SLC35A1: variants seen among roughly 807,000 people sequenced by gnomAD.
The protein encoded by SLC35A1 is solute carrier family 35 member A1.
Under a neutral mutation model 40.3 loss-of-function variants are expected in SLC35A1, and 21 were observed. That is an observed-to-expected ratio of 0.52 (90% confidence interval 0.37 to 0.75). SLC35A1 has a LOEUF of 0.75. SLC35A1 is among the 30% of genes least tolerant of loss of function. The probability of loss-of-function intolerance (pLI) is 0.00; values close to 1 mark genes in which losing one functional copy is unlikely to be tolerated. For missense variants in SLC35A1, 297 were observed against 382.1 expected (o/e 0.78, Z 1.86); for synonymous variants, 146 against 147.3 (o/e 0.99, Z 0.06).
chr6:87,492,930 G>A (rs1256270624), intron 2 of SLC35A1, among the ~76,000 whole-genome samples: 1 of 152,138 alleles, frequency 6.6e-6, no homozygotes, highest in Non-Finnish European at 1.5e-5. Context: ...TTATTAACAA[G>A]TGTCTTTTGG....
intron 4 of SLC35A1, among the ~76,000 whole-genome samples, chr6:87,502,781 T>C (rs1302836300): frequency 6.6e-6 from 1 of 152,180 alleles, no homozygotes; most frequent in Non-Finnish European, 1.5e-5. Context: ...AAATAGTTTG[T>C]CTCAAATGTA....
At chr6:87,474,659 A>G (rs1200346928) in intron 1 of SLC35A1, among the ~76,000 whole-genome samples, 1 of 152,230 alleles carries the variant, frequency 6.6e-6, no homozygotes, top group Admixed American at 6.5e-5. Context: ...GTGAACAAGA[A>G]ATAGTTTGGT....
chr6:87,485,639 T>C (rs2300903), intron 2 of SLC35A1, among the ~76,000 whole-genome samples: 18,515 of 151,958 alleles, frequency 0.12, 1,226 homozygotes, highest in African/African-American at 0.16. Context: ...GGTGTGTGGC[T>C]GTAGTCACAG....
At chr6:87,479,097 G>A (rs767557387) in intron 2 of SLC35A1, among the ~76,000 whole-genome samples, 6 of 152,194 alleles carry the variant, frequency 3.9e-5, no homozygotes, top group Non-Finnish European at 5.9e-5. Context: ...GTTGCTTTAC[G>A]AGGAAGTTAA....
intron 2 of SLC35A1, among the ~76,000 whole-genome samples, chr6:87,481,294 G>A (rs1769235189): frequency 6.6e-6 from 1 of 152,028 alleles, no homozygotes; most frequent in Non-Finnish European, 1.5e-5. Flanking sequence ...GCACATGCCT[G>A]TAATCCCAGC....
At chr6:87,484,464 G>C (rs971754649) in intron 2 of SLC35A1, among the ~76,000 whole-genome samples, 2 of 152,194 alleles carry the variant, frequency 1.3e-5, no homozygotes, top group Non-Finnish European at 2.9e-5. Flanking sequence ...GGAGGAAAAG[G>C]GGGTCTTATT....
chr6:87,500,446 A>G (rs1769883026), intron 2 of SLC35A1, 62 bp from the exon 3 acceptor site: 2 of 1,522,936 alleles, frequency 1.3e-6, no homozygotes, highest in Non-Finnish European at 1.8e-6. Flanking sequence ...AAGTCTTATT[A>G]AAATAATACT....
intron 7 of SLC35A1, among the ~76,000 whole-genome samples, chr6:87,509,588 G>C (rs1172822337): frequency 6.6e-6 from 1 of 152,148 alleles, no homozygotes; most frequent in Non-Finnish European, 1.5e-5. Context: ...GAAGAATGTA[G>C]AAAACATCTT....
At chr6:87,482,569 AAG>A (rs989642898) in intron 2 of SLC35A1, among the ~76,000 whole-genome samples, 37 of 152,282 alleles carry the variant, frequency 2.4e-4, no homozygotes, top group Non-Finnish European at 1.5e-4. Context: ...CTACTTCTAT[AAG>A]AGTTTCCCTA....
At chr6:87,493,334 G>GT (rs1449231239) in intron 2 of SLC35A1, among the ~76,000 whole-genome samples, 2 of 151,858 alleles carry the variant, frequency 1.3e-5, no homozygotes, top group African/African-American at 4.8e-5. Flanking sequence ...TTCCAGAATG[G>GT]TATTTGGAAA....
chr6:87,510,592 G>A (rs1272570118), intron 7 of SLC35A1, among the ~76,000 whole-genome samples: 1 of 152,048 alleles, frequency 6.6e-6, no homozygotes, highest in Non-Finnish European at 1.5e-5. Flanking sequence ...AGATTAAAAT[G>A]AAAAAAGGTG....
intron 2 of SLC35A1, among the ~76,000 whole-genome samples, chr6:87,480,980 G>T (rs1468927947): frequency 2.0e-5 from 3 of 152,052 alleles, no homozygotes; most frequent in Non-Finnish European, 4.4e-5. Context: ...CTTTGATGAG[G>T]GTGTGATCCC....
At chr6:87,493,461 G>GT (rs1769619385) in intron 2 of SLC35A1, among the ~76,000 whole-genome samples, 1 of 134,174 alleles carries the variant, frequency 7.5e-6, no homozygotes, top group Non-Finnish European at 1.6e-5. Flanking sequence ...TCTAAATCTA[G>GT]TTGTGTGTGT....
At chr6:87,473,891 A>G (rs1768991967) in intron 1 of SLC35A1, among the ~76,000 whole-genome samples, 1 of 152,190 alleles carries the variant, frequency 6.6e-6, no homozygotes, top group Non-Finnish European at 1.5e-5. Flanking sequence ...ATATTGAACG[A>G]ATACATAAGG....
chr6:87,505,630 G>C (rs951632645), intron 4 of SLC35A1, among the ~76,000 whole-genome samples: 1 of 152,184 alleles, frequency 6.6e-6, no homozygotes, highest in Non-Finnish European at 1.5e-5. Flanking sequence ...CACGGTGCTG[G>C]CATCTGGTGA....
intron 1 of SLC35A1, among the ~76,000 whole-genome samples, chr6:87,473,411 TCTC>T (rs1424416043): frequency 6.6e-6 from 1 of 152,040 alleles, no homozygotes; most frequent in African/African-American, 2.4e-5. Flanking sequence ...GCGGCTCCGG[TCTC>T]CTCTGCGCCT....
intron 2 of SLC35A1, among the ~76,000 whole-genome samples, chr6:87,488,822 C>T (rs1383893219): frequency 6.6e-6 from 1 of 152,152 alleles, no homozygotes; most frequent in African/African-American, 2.4e-5. Context: ...TTTTGTGTGA[C>T]CAAATGGATC....
Position 87,511,427 on chromosome 6 carries a change from T to C in SLC35A1, c.915T>C (p.Leu305=). The C allele has an allele frequency of 6.2e-7, 1 of 1,613,998 alleles. No individual in the cohort carries two copies. Among genetic ancestry groups the C allele is most frequent in the South Asian group, 1.1e-5 (1 of 91,076 alleles). The change falls in exon 8 of 8, where the codon CTT becomes CTC. Residue 305 remains leucine, a synonymous_variant. Transcript: ENST00000369552. Reference sequence around the variant, plus strand: ...TCACCTTTGCCCTGGGTACTCTTCTTGTATGTGTTTCCATATATCTCTATG... The same window carrying C: ...TCACCTTTGCCCTGGGTACTCTTCTCGTATGTGTTTCCATATATCTCTATG... ...ITLTFALGTL[L]VCVSIYLYGL...
intron 2 of SLC35A1, among the ~76,000 whole-genome samples, chr6:87,483,587 G>A (rs1015834887): frequency 2.6e-5 from 4 of 152,018 alleles, no homozygotes; most frequent in African/African-American, 9.7e-5. Flanking sequence ...CAAACCAGGG[G>A]TGTCTTCCCT....
Sources: allele counts gnomAD v4.1 joint callset (sites outside exome capture counted in the v4.1 genomes callset), GRCh38; gene constraint gnomAD v4.1.1; transcripts MANE v1.5; gene names NCBI Gene and HGNC (gene_info 2026-07-23, HGNC 2026-07-21).